GRM8: variants seen among roughly 807,000 people sequenced by gnomAD.
GRM8 encodes glutamate metabotropic receptor 8, also known as metabotropic glutamate receptor 8.
A neutral mutation model predicts 87.2 loss-of-function variants in GRM8; 47 were observed. The observed-to-expected ratio is 0.54, with a 90% confidence interval of 0.43 to 0.69. The LOEUF (loss-of-function observed/expected upper bound fraction) is 0.69, where lower values mean the gene tolerates loss of function less well. Ranked by LOEUF, GRM8 falls within the 30% of genes least tolerant of loss-of-function variation. The pLI is 0.00. For missense variants in GRM8, 1,019 were observed against 1,139.2 expected (o/e 0.89, Z 1.52); for synonymous variants, 396 against 404.5 (o/e 0.98, Z 0.25).
chr7:126,569,229 C>G (rs1216866940), intron 8 of GRM8, among the ~76,000 whole-genome samples: 1 of 152,094 alleles, frequency 6.6e-6, no homozygotes, highest in Non-Finnish European at 1.5e-5. Context: ...GTTTCTTACT[C>G]TAGTTTTGTT....
chr7:126,588,117 T>C (rs184954458), intron 8 of GRM8, among the ~76,000 whole-genome samples: 1 of 152,140 alleles, frequency 6.6e-6, no homozygotes. Context: ...ATAACCTGAA[T>C]GTAAAAAAAC....
At chr7:127,007,615 G>A (rs980893351) in intron 3 of GRM8, among the ~76,000 whole-genome samples, 9 of 151,932 alleles carry the variant, frequency 5.9e-5, no homozygotes, top group Admixed American at 2.0e-4. Context: ...TAAATTTTTC[G>A]CATTTTTTGA....
At chr7:127,044,071 G>T (rs1371439154) in intron 3 of GRM8, among the ~76,000 whole-genome samples, 4 of 152,178 alleles carry the variant, frequency 2.6e-5, no homozygotes, top group Non-Finnish European at 4.4e-5. Flanking sequence ...CAGAGGAAGG[G>T]GTTCCCCCAG....
intron 8 of GRM8, among the ~76,000 whole-genome samples, chr7:126,556,438 G>T (rs1043469799): frequency 2.6e-5 from 4 of 151,672 alleles, no homozygotes; most frequent in African/African-American, 7.3e-5. Context: ...CCTGAGGTCA[G>T]GAGTTCAAGA....
At chr7:126,450,081 C>G (rs933168722) in intron 9 of GRM8, among the ~76,000 whole-genome samples, 4 of 151,810 alleles carry the variant, frequency 2.6e-5, no homozygotes, top group Admixed American at 6.6e-5. Flanking sequence ...TTACAGTTCC[C>G]TCTTCAAACT....
intron 6 of GRM8, among the ~76,000 whole-genome samples, chr7:126,884,802 A>G (rs1236519605): frequency 6.6e-6 from 1 of 152,190 alleles, no homozygotes; most frequent in Non-Finnish European, 1.5e-5. Flanking sequence ...TAAGAGATAA[A>G]TATGCATCAA....
At chr7:127,005,117 A>T (rs1814146500) in intron 3 of GRM8, among the ~76,000 whole-genome samples, 1 of 114,272 alleles carries the variant, frequency 8.8e-6, no homozygotes, top group South Asian at 2.6e-4. Flanking sequence ...TACTGCTAGG[A>T]ACTTTTTTTT....
rs141666601 is a variant in GRM8 at position 127,206,124 on chromosome 7, C to G, written c.510+36571G>C. On this transcript the variant is annotated intron_variant, in intron 2 of 10. Transcript: ENST00000339582. ...TTTCCTAATGAATGTATTTCTCCAC[C>G]CAAATGCTGTGCATCCCAGGCTCTT... Among the ~76,000 whole-genome samples the G allele has an allele frequency of 2.9e-3, 434 of 152,262 alleles. 3 individuals are homozygous for G. The highest frequency in any genetic ancestry group is 9.9e-3 in the African/African-American group (412 of 41,552).
At chr7:126,669,892 C>A (rs1432695734) in intron 7 of GRM8, among the ~76,000 whole-genome samples, 1 of 151,916 alleles carries the variant, frequency 6.6e-6, no homozygotes, top group Non-Finnish European at 1.5e-5. Flanking sequence ...AAGAGAAAGC[C>A]GAAGGTTCAA....
intron 6 of GRM8, among the ~76,000 whole-genome samples, chr7:126,877,152 G>A (rs1471588587): frequency 1.3e-5 from 2 of 152,050 alleles, no homozygotes; most frequent in African/African-American, 2.4e-5. Flanking sequence ...CCCATTCCTT[G>A]TTGGATTCCT....
chr7:126,520,703 G>A (rs1812853976), intron 9 of GRM8, among the ~76,000 whole-genome samples: 2 of 152,158 alleles, frequency 1.3e-5, no homozygotes, highest in African/African-American at 4.8e-5. Flanking sequence ...ATCTATGCCT[G>A]CGCTATACAT....
Position 126,571,845 on chromosome 7 carries a change from A to C in GRM8, c.1494+37517T>G, listed in dbSNP as rs146656276. Among the ~76,000 whole-genome samples, 834 of 151,466 alleles carry C rather than the reference A, an allele frequency of 5.5e-3. 9 individuals are homozygous for C. Among genetic ancestry groups the C allele is most frequent in the African/African-American group, 0.019 (804 of 41,252 alleles). ...AACCTCTGCCTCCTGGGTAAAAGTG[A>C]TACTCCTGCCTCAGCCTCCCGAGTA... On this transcript the variant is annotated intron_variant, in intron 8 of 10. Coordinates refer to ENST00000339582, the MANE Select transcript of GRM8 (RefSeq NM_000845.3).
rs559958503 is a variant in GRM8 at position 126,544,158 on chromosome 7, C to T, written c.1495-10271G>A. Among the ~76,000 whole-genome samples the T allele has an allele frequency of 7.2e-5, 11 of 152,318 alleles. No homozygotes were observed. The East Asian group carries it at 9.7e-4, about 13-fold the overall frequency. Reference sequence around the variant, plus strand: ...TTGATGTGTTTATTTCCCCACCAGACTGACAGCACATTAATCTCAAGGACC... The same window carrying T: ...TTGATGTGTTTATTTCCCCACCAGATTGACAGCACATTAATCTCAAGGACC... On this transcript the variant is annotated intron_variant, in intron 8 of 10. Transcript: ENST00000339582.
intron 2 of GRM8, among the ~76,000 whole-genome samples, chr7:127,152,572 G>A (rs964525242): frequency 6.6e-6 from 1 of 152,130 alleles, no homozygotes; most frequent in Non-Finnish European, 1.5e-5. Context: ...AGAATCAGCA[G>A]ACTAGCTAAT....
rs763808760 is a variant in GRM8 at position 126,716,743 on chromosome 7, A to AT, written c.1357+53121dup. Among the ~76,000 whole-genome samples, 55 of 152,238 alleles carry AT rather than the reference A, an allele frequency of 3.6e-4. 3 individuals carry two copies. In the South Asian group the frequency reaches 0.01, roughly 29 times the overall value. ...AAGGATCTCTCTACTCTCATGTATG[A>AT]TTTTTTACAATGTTTGTAGGTAGAA... On this transcript the variant is annotated intron_variant, in intron 7 of 10. Transcript: ENST00000339582.
At chr7:126,755,136 CTCAT>C (rs1313349912) in intron 7 of GRM8, among the ~76,000 whole-genome samples, 1 of 151,582 alleles carries the variant, frequency 6.6e-6, no homozygotes, top group African/African-American at 2.4e-5. Flanking sequence ...CAATAAAAAT[CTCAT>C]TTTTTTAAAC....
chr7:126,884,347 A>T (rs1342600547), intron 6 of GRM8, among the ~76,000 whole-genome samples: 1 of 152,172 alleles, frequency 6.6e-6, no homozygotes, highest in Admixed American at 6.5e-5. Context: ...CCTTTGTCAA[A>T]GATAGAAATG....
intron 6 of GRM8, among the ~76,000 whole-genome samples, chr7:126,820,217 T>C (rs1300980871): frequency 6.6e-6 from 1 of 152,218 alleles, no homozygotes; most frequent in Non-Finnish European, 1.5e-5. Flanking sequence ...AATACACCTA[T>C]TGAATAAATA....
chr7:126,864,523 T>A (rs910009946), intron 6 of GRM8, among the ~76,000 whole-genome samples: 57 of 152,146 alleles, frequency 3.7e-4, no homozygotes, highest in Non-Finnish European at 1.6e-4. Flanking sequence ...TTCTAGAAAT[T>A]TCATTTTAGT....
Sources: gnomAD v4.1 joint callset for allele counts (sites outside exome capture counted in the v4.1 genomes callset) on GRCh38, gnomAD v4.1.1 for gene constraint, MANE v1.5 for transcripts, NCBI Gene and HGNC (gene_info 2026-07-23, HGNC 2026-07-21) for gene names.